Variants in SLC35E2B observed in about 807,000 individuals in gnomAD.
The protein encoded by SLC35E2B is solute carrier family 35, member E2B.
Under a neutral mutation model 32.4 loss-of-function variants are expected in SLC35E2B, and 18 were observed. The observed-to-expected ratio is 0.56, with a 90% CI of 0.38 to 0.82. The LOEUF is 0.82. SLC35E2B is among the 40% of genes least tolerant of loss of function. SLC35E2B has a pLI of 0.00. For missense variants in SLC35E2B, 263 were observed against 469.5 expected, an observed-to-expected ratio of 0.56 and a Z score of 4.06; for synonymous variants, 132 against 209.1, an observed-to-expected ratio of 0.63 and a Z score of 3.18.
At chr1:1,688,579 G>A (rs1480048729) in intron 2 of SLC35E2B, among the ~76,000 whole-genome samples, 3 of 150,342 alleles carry the variant, frequency 2.0e-5, no homozygotes, top group Admixed American at 6.6e-5. Context: ...CAGCCTGGGC[G>A]GCAGAGCGAA....
chr1:1,690,565 T>C (rs1255270164), intron 2 of SLC35E2B, among the ~76,000 whole-genome samples: 15 of 127,990 alleles, frequency 1.2e-4, no homozygotes, highest in South Asian at 2.6e-4. Flanking sequence ...ATGATGAAAC[T>C]CCGTCTCTAC....
chr1:1,672,311 G>T, intron 5 of SLC35E2B: 1 of 152,352 alleles, frequency 6.6e-6, no homozygotes. Context: ...CCATGCCACT[G>T]CGCTCCAGCC....
At chr1:1,689,050 T>C (rs1355142456) in intron 2 of SLC35E2B, among the ~76,000 whole-genome samples, 3 of 151,518 alleles carry the variant, frequency 2.0e-5, no homozygotes, top group African/African-American at 4.9e-5. Flanking sequence ...TGGGTGCCAG[T>C]AGTCCCAACT....
chr1:1,684,987 G>T (rs1449254557), intron 2 of SLC35E2B, among the ~76,000 whole-genome samples: 3 of 151,024 alleles, frequency 2.0e-5, no homozygotes, highest in Non-Finnish European at 4.4e-5. Context: ...CATGCCTGTA[G>T]TCCCAGCTAC....
rs560020082 is a variant in SLC35E2B at position 1,665,971 on chromosome 1, G to A, written c.1029C>T (p.Ile343=). Residue 343 remains isoleucine, a synonymous_variant, in exon 10 of 10, where the codon ATC becomes ATT. Transcript: ENST00000617444. The stretch of plus-strand genomic sequence containing the variant: ...AGCTGGTGATCTTGTTGCCGAAAAC[G>A]ATTACGCTGAGCCAGATGGACAAGG... ...KHALSIWLSV[I]VFGNKITSLS... is the part of the protein sequence containing the mutation. 1.7e-5 allele frequency: 27 copies of A among 1,551,538 alleles called. No homozygotes were observed. The highest frequency in any genetic ancestry group is 3.6e-5 in the South Asian group (3 of 84,050).
At chr1:1,680,177 T>C (rs1384804021) in intron 2 of SLC35E2B, among the ~76,000 whole-genome samples, 1 of 151,848 alleles carries the variant, frequency 6.6e-6, no homozygotes, top group Non-Finnish European at 1.5e-5. Context: ...GGTGCATGTC[T>C]GTAGTCCTAA....
At chr1:1,679,508 G>A (rs749230050) in intron 2 of SLC35E2B, among the ~76,000 whole-genome samples, 18 of 152,084 alleles carry the variant, frequency 1.2e-4, no homozygotes, top group East Asian at 1.9e-4. Context: ...CTTCACTGAC[G>A]CTGCCGTTCT....
At chr1:1,686,321 C>CTTTTTTTTTTTTTTTT (rs375495225) in intron 2 of SLC35E2B, among the ~76,000 whole-genome samples, 8 of 127,782 alleles carry the variant, frequency 6.3e-5, no homozygotes, top group Non-Finnish European at 8.2e-5. Flanking sequence ...CTTTTTTTTT[C>CTTTTTTTTTTTTTTTT]TTTTTTTTTT....
rs1299718968 is a variant in SLC35E2B, at chr1:1,684,811, A to AAAC, written c.-148+6164_-148+6165insGTT. On this transcript the variant is annotated intron_variant, in intron 2 of 9. Transcript: ENST00000617444. ...TCTCAAAAAAAAAAAAAAAAAAAAA[A>AAAC]AAACAGGACAGCCAGCGGGTGCAGT... Among the ~76,000 whole-genome samples the AAAC allele has an allele frequency of 2.0e-5, 3 of 147,630 alleles. No individual in the cohort carries two copies. In the East Asian group the frequency reaches 6.1e-4, roughly 30 times the overall value.
chr1:1,685,030 C>G (rs1165846882), intron 2 of SLC35E2B, among the ~76,000 whole-genome samples: 1 of 151,196 alleles, frequency 6.6e-6, no homozygotes, highest in Admixed American at 6.6e-5. Flanking sequence ...TCACTTGAAC[C>G]TGGGAGGTGG....
intron 2 of SLC35E2B, among the ~76,000 whole-genome samples, chr1:1,685,895 G>A (rs1216058505): frequency 7.2e-5 from 11 of 152,164 alleles, no homozygotes; most frequent in Admixed American, 1.3e-4. Flanking sequence ...GCAATGGCGC[G>A]ATCTCAGCTC....
At chr1:1,684,258 C>T (rs1643925559) in intron 2 of SLC35E2B, among the ~76,000 whole-genome samples, 1 of 152,198 alleles carries the variant, frequency 6.6e-6, no homozygotes, top group Non-Finnish European at 1.5e-5. Flanking sequence ...TTGGGCTAAG[C>T]CGCCTAATGC....
At chr1:1,686,237 C>T (rs1376360250) in intron 2 of SLC35E2B, among the ~76,000 whole-genome samples, 2 of 151,574 alleles carry the variant, frequency 1.3e-5, no homozygotes, top group Admixed American at 6.6e-5. Flanking sequence ...CTCCTGACCT[C>T]GTGATCTGCC....
At chr1:1,666,122 G>A in intron 9 of SLC35E2B, 103 bp from the exon 10 acceptor site, 1 of 1,347,328 alleles carries the variant, frequency 7.4e-7, no homozygotes, top group Non-Finnish European at 1.0e-6. Flanking sequence ...GGGTGGGGTT[G>A]GGGGACTCAG....
chr1:1,677,478 CT>C (rs533023320), intron 2 of SLC35E2B, among the ~76,000 whole-genome samples: 2,404 of 135,744 alleles, frequency 0.018, 43 homozygotes, highest in African/African-American at 0.044. Flanking sequence ...TTTCTTTTTC[CT>C]TTTTTTTTTT....
Position 1,662,886 on chromosome 1 carries a change from T to C in SLC35E2B, c.*2896A>G. 1.2e-6 allele frequency: 1 copy of C among 803,578 alleles called. No individual in the cohort carries two copies. Among genetic ancestry groups the C allele is most frequent in the Non-Finnish European group, 1.5e-6 (1 of 660,904 alleles). 49.8% of individuals were successfully genotyped at this position (803,578 alleles called of 1,614,324 possible). ...GTTCCTAGAAGCTCACCTGTGACAG[T>C]TCAACAAGAACTTACTATTCCAGAA... On this transcript the variant is annotated 3_prime_UTR_variant, in exon 10 of 10. Transcript: ENST00000617444.
In SLC35E2B at chr1:1,663,177, A is replaced by G. The variant is rs1002600113; in HGVS notation, c.*2605T>C. The G allele has an allele frequency of 1.1e-6, 1 of 917,972 alleles. No individual in the cohort carries two copies. 56.9% of individuals were successfully genotyped at this position (917,972 alleles called of 1,614,324 possible). A position where few individuals can be genotyped will look rare whatever the true frequency, so the allele number is the denominator to read the frequency against. Reference sequence around the variant, plus strand: ...GGCCCCAGAGCAGCGTTACACAGGAAATTACCCTATTTGCTAATCCTTTGG... The same window carrying G: ...GGCCCCAGAGCAGCGTTACACAGGAGATTACCCTATTTGCTAATCCTTTGG... On this transcript the variant is annotated 3_prime_UTR_variant, in exon 10 of 10. Coordinates refer to ENST00000617444, the MANE Select transcript of SLC35E2B (RefSeq NM_001290264.2).
intron 5 of SLC35E2B, chr1:1,673,258 C>T (rs945924768): frequency 7.7e-5 from 35 of 454,970 alleles, no homozygotes; most frequent in Admixed American, 1.2e-4. Context: ...TGAGGGTTGA[C>T]CCTGGTGTTC....
chr1:1,677,770 A>G (rs555899355), intron 2 of SLC35E2B, among the ~76,000 whole-genome samples: 1 of 151,556 alleles, frequency 6.6e-6, no homozygotes, highest in South Asian at 2.1e-4. Context: ...CTTTCTAGAC[A>G]GACTCCGTGG....
Sources: gnomAD v4.1 joint callset for allele counts (sites outside exome capture counted in the v4.1 genomes callset) on GRCh38, gnomAD v4.1.1 for gene constraint, MANE v1.5 for transcripts, NCBI Gene and HGNC (gene_info 2026-07-23, HGNC 2026-07-21) for gene names.